Variants in FRMPD4 observed in about 807,000 individuals in gnomAD.
The protein encoded by FRMPD4 is FERM and PDZ domain containing 4, also known as FERM and PDZ domain-containing protein 4.
FRMPD4 carries 22 observed loss-of-function variants against 94.1 expected under a neutral mutation model. That is an observed-to-expected ratio of 0.23 (90% CI 0.17 to 0.33). The LOEUF (loss-of-function observed/expected upper bound fraction) is 0.33, where lower values mean the gene tolerates loss of function less well. FRMPD4 is among the 10% of genes least tolerant of loss of function. The pLI, the probability that FRMPD4 is intolerant of heterozygous loss-of-function variation, is 1.00. For missense variants in FRMPD4, 1,111 were observed against 1,339.9 expected (o/e 0.83, Z 2.67); for synonymous variants, 631 against 548.6 (o/e 1.15, Z -2.10).
chrX:12,552,598 T>C (rs1231531700), intron 2 of FRMPD4, among the ~76,000 whole-genome samples: 2 of 112,276 alleles, frequency 1.8e-5, no homozygotes. Context: ...GTTTCCTTTC[T>C]TTATACTTAT....
chrX:12,065,252 A>AG (rs927157506), intron 3 of FRMPD4, among the ~76,000 whole-genome samples: 1 of 112,233 alleles, frequency 8.9e-6, no homozygotes, highest in Non-Finnish European at 1.9e-5. Flanking sequence ...CCTTTCAAAC[A>AG]GAGCTGTTCC....
At chrX:11,894,262 C>T (rs752344703) in intron 3 of FRMPD4, among the ~76,000 whole-genome samples, 2 of 112,261 alleles carry the variant, frequency 1.8e-5, no homozygotes, top group African/African-American at 6.5e-5. Flanking sequence ...CTGAGGGAAA[C>T]TCTCATCATA....
intron 1 of FRMPD4, among the ~76,000 whole-genome samples, chrX:12,393,599 A>G (rs183389367): frequency 1.7e-3 from 196 of 112,282 alleles, no homozygotes; most frequent in African/African-American, 6.0e-3. Context: ...CCATTTTTAA[A>G]TAACCAAATC....
intron 1 of FRMPD4, among the ~76,000 whole-genome samples, chrX:12,298,537 C>T (rs1460686434): frequency 8.9e-6 from 1 of 111,909 alleles, no homozygotes; most frequent in East Asian, 2.8e-4. Flanking sequence ...TATTGAGTAG[C>T]AGTATCTATC....
At chrX:12,242,877 C>T (rs769075127) in intron 1 of FRMPD4, among the ~76,000 whole-genome samples, 71 of 112,226 alleles carry the variant, frequency 6.3e-4, no homozygotes, top group Non-Finnish European at 1.3e-3. Context: ...GCTAGGAATA[C>T]AGGCCCATGC....
chrX:12,178,430 A>G (rs888491560), intron 1 of FRMPD4, among the ~76,000 whole-genome samples: 40 of 112,110 alleles, frequency 3.6e-4, no homozygotes, highest in African/African-American at 1.1e-3. Flanking sequence ...GCATGATATG[A>G]TCACAAAGTT....
chrX:11,841,882 T>A (rs1225818060), intron 1 of FRMPD4, among the ~76,000 whole-genome samples: 31 of 106,502 alleles, frequency 2.9e-4, no homozygotes, highest in South Asian at 1.2e-3. Flanking sequence ...TGGTTTTAGG[T>A]CTAACGTTTA....
At chrX:11,876,408 T>A (rs2053785751) in intron 2 of FRMPD4, among the ~76,000 whole-genome samples, 1 of 110,074 alleles carries the variant, frequency 9.1e-6, no homozygotes, top group Admixed American at 9.7e-5. Flanking sequence ...CCACCTGTGG[T>A]TGATAACAGT....
At chrX:12,245,784 T>A (rs2053948757) in intron 1 of FRMPD4, among the ~76,000 whole-genome samples, 1 of 110,921 alleles carries the variant, frequency 9.0e-6, no homozygotes, top group Admixed American at 9.6e-5. Context: ...AGCCTATTCC[T>A]CTCTTTCACT....
intron 1 of FRMPD4, among the ~76,000 whole-genome samples, chrX:12,295,461 G>T (rs1289931169): frequency 1.8e-5 from 2 of 112,255 alleles, no homozygotes; most frequent in Admixed American, 1.9e-4. Context: ...CAACTTCATA[G>T]AATTTTTGTG....
chrX:11,918,814 G>T (rs1286558152), intron 3 of FRMPD4, among the ~76,000 whole-genome samples: 1 of 112,057 alleles, frequency 8.9e-6, no homozygotes, highest in Non-Finnish European at 1.9e-5. Context: ...GGTGGGAGCA[G>T]TGAATGTTGA....
chrX:12,616,001 A>C (rs771483680), intron 4 of FRMPD4, among the ~76,000 whole-genome samples: 25 of 110,725 alleles, frequency 2.3e-4, no homozygotes, highest in Non-Finnish European at 4.2e-4. Context: ...GCAAAAAGAG[A>C]AATAGAAAGA....
chrX:12,702,451 C>T (rs1715689872), intron 10 of FRMPD4, among the ~76,000 whole-genome samples: 1 of 111,855 alleles, frequency 8.9e-6, no homozygotes, highest in South Asian at 3.7e-4. Context: ...CAGTGGGACT[C>T]CCCGTTGTGC....
At chrX:11,973,887 C>T (rs1182699079) in intron 3 of FRMPD4, among the ~76,000 whole-genome samples, 1 of 111,113 alleles carries the variant, frequency 9.0e-6, no homozygotes, top group East Asian at 2.8e-4. Flanking sequence ...CAGCTGTTGG[C>T]AATGATTGAA....
rs188224006 is a variant in FRMPD4 at position 12,093,417 on chromosome X, G to T, written c.95+215399G>T. 3.7e-3 allele frequency among the ~76,000 whole-genome samples: 409 copies of T among 110,528 alleles called. 3 individuals carry two copies. Among genetic ancestry groups the T allele is most frequent in the African/African-American group, 0.013 (385 of 30,384 alleles). ...CACATGTATGAGAGTCTACTTGGGG[G>T]TTAGAAGAGTTGTCTTTATCCAAAT... On this transcript the variant is annotated intron_variant, in intron 3 of 18. Coordinates refer to the FRMPD4 transcript ENST00000640291.
intron 3 of FRMPD4, among the ~76,000 whole-genome samples, chrX:11,993,888 G>A (rs1421990653): frequency 8.9e-6 from 1 of 111,942 alleles, no homozygotes; most frequent in Non-Finnish European, 1.9e-5. Flanking sequence ...CTCTTGACTA[G>A]GGTCCAATTC....
At chrX:11,864,678 A>G (rs1374668551) in intron 1 of FRMPD4, among the ~76,000 whole-genome samples, 2 of 111,508 alleles carry the variant, frequency 1.8e-5, no homozygotes, top group Admixed American at 1.9e-4. Context: ...ACTTCTACTC[A>G]TCTGCTTTCC....
At chrX:12,538,423 A>T (rs2058365948) in intron 2 of FRMPD4, among the ~76,000 whole-genome samples, 1 of 111,903 alleles carries the variant, frequency 8.9e-6, no homozygotes, top group Non-Finnish European at 1.9e-5. Context: ...GACAAAAGGC[A>T]GCAGAAACCT....
At chrX:11,962,407 G>A (rs1242277153) in intron 3 of FRMPD4, among the ~76,000 whole-genome samples, 1 of 111,791 alleles carries the variant, frequency 8.9e-6, no homozygotes, top group African/African-American at 3.3e-5. Context: ...CCATTCATGA[G>A]GGTAGAGTGC....
Sources: allele counts gnomAD v4.1 joint callset (sites outside exome capture counted in the v4.1 genomes callset), GRCh38; gene constraint gnomAD v4.1.1; transcripts MANE v1.5; gene names NCBI Gene and HGNC (gene_info 2026-07-23, HGNC 2026-07-21).